CCDC77: variants seen among roughly 807,000 people sequenced by gnomAD.
CCDC77 encodes coiled-coil domain-containing protein 77.
A neutral mutation model predicts 66.8 loss-of-function variants in CCDC77; 56 were observed. The observed-to-expected ratio is 0.84, with a 90% CI of 0.68 to 1.05. The LOEUF is 1.05. Among genes scored for constraint, CCDC77 ranks in the 50% least tolerant of loss-of-function variants. The probability of loss-of-function intolerance (pLI) is 0.00; values close to 1 mark genes in which losing one functional copy is unlikely to be tolerated. For synonymous variants in CCDC77, 196 were observed against 195.2 expected, an observed-to-expected ratio of 1.00 and a Z score of -0.03; for missense variants, 570 against 576.8, an observed-to-expected ratio of 0.99 and a Z score of 0.12.
chr12:436,317 C>A (rs904485291), intron 9 of CCDC77, among the ~76,000 whole-genome samples: 1 of 151,586 alleles, frequency 6.6e-6, no homozygotes, highest in African/African-American at 2.4e-5. Flanking sequence ...TTAGTAGAGA[C>A]AAGGTTTCAC....
intron 5 of CCDC77, among the ~76,000 whole-genome samples, chr12:419,122 T>C (rs957679043): frequency 1.3e-5 from 2 of 152,216 alleles, no homozygotes; most frequent in African/African-American, 4.8e-5. Flanking sequence ...CTCTCTGGAA[T>C]AATAGCTATG....
At chr12:415,271 T>A (rs1308266045) in intron 4 of CCDC77, among the ~76,000 whole-genome samples, 1 of 130,298 alleles carries the variant, frequency 7.7e-6, no homozygotes. Context: ...TTAACATAAT[T>A]ATTAACATAA....
chr12:441,213 G>C (rs981558646), intron 12 of CCDC77, among the ~76,000 whole-genome samples: 1 of 152,182 alleles, frequency 6.6e-6, no homozygotes, highest in African/African-American at 2.4e-5. Flanking sequence ...TTCATACTTC[G>C]ATGTAAGCTA....
rs780522215 is a variant in CCDC77, at chr12:441,814, T to C, written c.1361T>C (p.Leu454Pro). 6.2e-7 allele frequency: 1 copy of C among 1,613,614 alleles called. No individual in the cohort carries two copies. The highest frequency in any genetic ancestry group is 8.5e-7 in the Non-Finnish European group (1 of 1,179,930). Residue 454 changes from leucine (L) to proline (P), a missense_variant, in exon 13 of 13, where the codon CTG becomes CCG. Coordinates refer to ENST00000239830, the MANE Select transcript of CCDC77 (RefSeq NM_032358.4). ...NARANQDLAL[L>P]CEVRDSNRRA... ...CGGGCAAACCAGGATCTTGCCCTTC[T>C]GTGTGAGGTCCGTGACAGCAATAGA...
intron 1 of CCDC77, among the ~76,000 whole-genome samples, chr12:389,680 C>G (rs910044072): frequency 1.4e-5 from 2 of 143,382 alleles, no homozygotes; most frequent in African/African-American, 2.5e-5. Context: ...GGGTCCCTTT[C>G]CCTTTTGTGT....
At position 425,790 on chromosome 12, in the gene CCDC77, C is replaced by T. The variant is rs963808832; in HGVS notation, c.414-2979C>T. Among the ~76,000 whole-genome samples, 24 of 152,162 alleles carry T rather than the reference C, an allele frequency of 1.6e-4. 1 individual carries two copies. Among genetic ancestry groups the T allele is most frequent in the Admixed American group, 9.2e-4 (14 of 15,264 alleles). ...TTCTTGTTCATGCCGTCTGATTTAA[C>T]GCGATATCATCAGTAGTGAGCTACT... On this transcript the variant is annotated intron_variant, in intron 5 of 12. Coordinates refer to ENST00000239830, the MANE Select transcript of CCDC77 (RefSeq NM_032358.4).
intron 10 of CCDC77, among the ~76,000 whole-genome samples, chr12:440,255 A>AGT (rs1236279117): frequency 2.6e-5 from 4 of 152,236 alleles, no homozygotes; most frequent in Admixed American, 2.0e-4. Flanking sequence ...TCAATAGGGC[A>AGT]TGTATAATAA....
chr12:401,340 A>G (rs532130298), upstream of CCDC77, among the ~76,000 whole-genome samples: 1 of 152,374 alleles, frequency 6.6e-6, no homozygotes, highest in African/African-American at 2.4e-5. Context: ...CAGTTGAGCA[A>G]TCTTAAGTGG....
Position 405,916 on chromosome 12 carries a change from C to CTTT in CCDC77, c.-17+370_-17+372dup, listed in dbSNP as rs34597637. On this transcript the variant is annotated intron_variant, in intron 2 of 12. Coordinates refer to ENST00000239830, the MANE Select transcript of CCDC77 (RefSeq NM_032358.4). ...ATATTAGATGGTTATAAGTGTTCAA[C>CTTT]TTTTTTTTTTTTTTTTTTTTAAGAG... 4.5e-5 allele frequency among the ~76,000 whole-genome samples: 6 copies of CTTT among 133,958 alleles called. No individual in the cohort carries two copies. In the East Asian group the frequency reaches 1.1e-3, roughly 24 times the overall value. 87.9% of individuals were successfully genotyped at this position (133,958 alleles called of 152,430 possible).
rs1945872436 is a variant in CCDC77, at chr12:442,332, C to T, written c.*412C>T. ...AAGCACTCACAGAGGCTGCCTTTCT[C>T]CTGAGCTCGGGGAGAAGGCAGCACA... On this transcript the variant is annotated 3_prime_UTR_variant, in exon 13 of 13. Transcript: ENST00000239830. 1 of 158,468 alleles carries T rather than the reference C, an allele frequency of 6.3e-6. No homozygotes were observed. Among genetic ancestry groups the T allele is most frequent in the African/African-American group, 2.4e-5 (1 of 41,508 alleles). The allele number at this position is 158,468 out of a possible 1,614,324, so 9.8% of individuals were successfully genotyped here.
chr12:402,426 T>C (rs1944913790), intron 1 of CCDC77, among the ~76,000 whole-genome samples: 1 of 152,212 alleles, frequency 6.6e-6, no homozygotes, highest in Admixed American at 6.5e-5. Flanking sequence ...GGAGGTGGTA[T>C]TTAAGATGAG....
intron 4 of CCDC77, among the ~76,000 whole-genome samples, chr12:414,864 C>T (rs1037674770): frequency 2.6e-5 from 4 of 152,198 alleles, no homozygotes; most frequent in South Asian, 2.1e-4. Context: ...TAAACTGTGA[C>T]GGTGTCCTCC....
rs755390117 is a variant in CCDC77, at chr12:411,856, G to A, written c.148G>A (p.Ala50Thr). Residue 50 changes from alanine (A) to threonine (T), a missense_variant, in exon 4 of 13, where the codon GCC becomes ACC. Transcript: ENST00000239830. ...TPLPSPEDRL[A>T]KLHPSKELLE... ...CTTGCCTTCCCCCGAAGATCGTCTGGCCAAACTCCATCCTTCTAAGGAGCT... is the reference window on the plus strand; with the variant it reads ...CTTGCCTTCCCCCGAAGATCGTCTGACCAAACTCCATCCTTCTAAGGAGCT... 1 of 1,613,982 alleles carries A rather than the reference G, an allele frequency of 6.2e-7. No homozygotes were observed. Among genetic ancestry groups the A allele is most frequent in the Non-Finnish European group, 8.5e-7 (1 of 1,180,004 alleles).
At position 414,160 on chromosome 12, in the gene CCDC77, C is replaced by T. The variant is rs186514201; in HGVS notation, c.270+2182C>T. On this transcript the variant is annotated intron_variant, in intron 4 of 12. Coordinates refer to ENST00000239830, the MANE Select transcript of CCDC77 (RefSeq NM_032358.4). Reference sequence around the variant, plus strand: ...AGGCTGGAGTGCAATGGCACAATCTCGGCTCACTGCAACCCCTGTCTCCCG... The same window carrying T: ...AGGCTGGAGTGCAATGGCACAATCTTGGCTCACTGCAACCCCTGTCTCCCG... 4.4e-3 allele frequency among the ~76,000 whole-genome samples: 663 copies of T among 150,740 alleles called. 22 individuals carry two copies. The highest frequency in any genetic ancestry group is 0.015 in the African/African-American group (610 of 40,628).
chr12:395,143 A>T (rs1944809516), intron 1 of CCDC77: 1 of 152,192 alleles, frequency 6.6e-6, no homozygotes, highest in South Asian at 2.1e-4. Flanking sequence ...CAATGGCATT[A>T]TCTTGGCTCA....
rs184484961 is a variant in CCDC77, at chr12:410,393, G to A, written c.38+972G>A. Among the ~76,000 whole-genome samples the A allele has an allele frequency of 1.4e-3, 211 of 152,090 alleles. 1 individual carries two copies. The highest frequency in any genetic ancestry group is 4.5e-3 in the African/African-American group (188 of 41,504). ...AGTGATTCTCCTGCCTCAGCCTCCC[G>A]AGTAGCTGGGATTACACACGCGTGC... is the stretch of plus-strand genomic sequence containing the variant. On this transcript the variant is annotated intron_variant, in intron 3 of 12. Transcript: ENST00000239830.
At chr12:428,955 G>C in intron 6 of CCDC77, 90 bp downstream of exon 6, 1 of 724,342 alleles carries the variant, frequency 1.4e-6, no homozygotes, top group South Asian at 2.0e-5. Flanking sequence ...ATCCGCTGGA[G>C]AAGGCAGATG....
chr12:422,549 C>T (rs986187756), intron 5 of CCDC77, among the ~76,000 whole-genome samples: 4 of 152,228 alleles, frequency 2.6e-5, no homozygotes, highest in African/African-American at 9.6e-5. Context: ...TTATTTCACT[C>T]AGCGTAATGT....
chr12:398,622 C>A (rs949342390), upstream of CCDC77, among the ~76,000 whole-genome samples: 1 of 152,008 alleles, frequency 6.6e-6, no homozygotes, highest in Non-Finnish European at 1.5e-5. Context: ...GCAGTTATTT[C>A]GTCCATGAAG....
Sources: allele counts gnomAD v4.1 joint callset (sites outside exome capture counted in the v4.1 genomes callset), GRCh38; gene constraint gnomAD v4.1.1; transcripts MANE v1.5; gene names NCBI Gene and HGNC (gene_info 2026-07-23, HGNC 2026-07-21).